Variants in TMEM108 observed in about 807,000 individuals in gnomAD.
TMEM108 encodes cancer/testis antigen 124.
In TMEM108, 12 loss-of-function variants were observed where a neutral mutation model predicts 35.1. That is an observed-to-expected ratio of 0.34 (90% CI 0.22 to 0.55). TMEM108 has a LOEUF of 0.55. Ranked by LOEUF, TMEM108 falls within the 20% of genes least tolerant of loss-of-function variation. TMEM108 has a pLI of 0.89. For missense variants in TMEM108, 680 were observed against 753.3 expected, an observed-to-expected ratio of 0.90 and a Z score of 1.14; for synonymous variants, 287 against 308.6, an observed-to-expected ratio of 0.93 and a Z score of 0.73.
chr3:133,390,573 C>T (rs2073219837), intron 5 of TMEM108, among the ~76,000 whole-genome samples: 1 of 152,002 alleles, frequency 6.6e-6, no homozygotes, highest in Admixed American at 6.6e-5. Context: ...GTTCCTGGGA[C>T]TTTTGGTTTC....
At chr3:133,223,281 G>C (rs373685062) in intron 2 of TMEM108, among the ~76,000 whole-genome samples, 4 of 152,158 alleles carry the variant, frequency 2.6e-5, no homozygotes, top group Non-Finnish European at 2.9e-5. Flanking sequence ...TGAGCAGGTC[G>C]TCTGATGTTG....
chr3:133,084,551 G>A (rs1013155619), intron 2 of TMEM108, among the ~76,000 whole-genome samples: 8 of 152,172 alleles, frequency 5.3e-5, no homozygotes, highest in South Asian at 2.1e-4. Flanking sequence ...AGGTACCAGC[G>A]CTGCTCCTTG....
At chr3:133,344,768 A>T (rs1035899332) in intron 3 of TMEM108, among the ~76,000 whole-genome samples, 5 of 151,814 alleles carry the variant, frequency 3.3e-5, no homozygotes, top group Non-Finnish European at 5.9e-5. Context: ...TATATTACAG[A>T]TGAGGAAACT....
intron 3 of TMEM108, among the ~76,000 whole-genome samples, chr3:133,300,349 T>C (rs1323757452): frequency 6.6e-6 from 1 of 152,122 alleles, no homozygotes; most frequent in Non-Finnish European, 1.5e-5. Context: ...AGAGGGGAAT[T>C]GAGGATGTGT....
intron 2 of TMEM108, among the ~76,000 whole-genome samples, chr3:133,119,912 A>G (rs552552013): frequency 1.3e-5 from 2 of 152,112 alleles, no homozygotes; most frequent in Non-Finnish European, 2.9e-5. Context: ...AAGATTTTCT[A>G]TTTTCCTTTA....
chr3:133,038,605 T>G (rs925740314), intron 1 of TMEM108, among the ~76,000 whole-genome samples, 170 bp downstream of exon 1: 3 of 152,098 alleles, frequency 2.0e-5, no homozygotes, highest in African/African-American at 7.2e-5. Context: ...TCCTATCCTC[T>G]CAGGCACCTT....
intron 2 of TMEM108, among the ~76,000 whole-genome samples, chr3:133,204,688 T>C (rs1945724867): frequency 6.6e-6 from 1 of 152,198 alleles, no homozygotes; most frequent in African/African-American, 2.4e-5. Flanking sequence ...ATTTACATTC[T>C]TTTACATTTG....
intron 3 of TMEM108, among the ~76,000 whole-genome samples, chr3:133,278,189 GA>G (rs2081017913): frequency 2.0e-5 from 3 of 152,218 alleles, no homozygotes. Context: ...CAAGACATGG[GA>G]AGTAAAAGTA....
chr3:133,283,267 C>T (rs182479625), intron 3 of TMEM108, among the ~76,000 whole-genome samples: 2 of 152,020 alleles, frequency 1.3e-5, no homozygotes. Context: ...GATTAATAAC[C>T]CAGCATCCTA....
chr3:133,296,566 A>G (rs1022309458), intron 3 of TMEM108, among the ~76,000 whole-genome samples: 5 of 151,988 alleles, frequency 3.3e-5, no homozygotes, highest in African/African-American at 1.2e-4. Context: ...AATAAAAAGC[A>G]GTAGTCTGAT....
chr3:133,078,558 C>G (rs989954572), intron 2 of TMEM108, among the ~76,000 whole-genome samples: 3 of 152,098 alleles, frequency 2.0e-5, no homozygotes, highest in African/African-American at 7.2e-5. Flanking sequence ...TGAAAGGCCA[C>G]AGAATTATTA....
At chr3:133,040,015 C>T (rs576972465) in intron 1 of TMEM108, among the ~76,000 whole-genome samples, 112 of 152,108 alleles carry the variant, frequency 7.4e-4, no homozygotes, top group Non-Finnish European at 1.2e-3. Context: ...TATCAGCCAC[C>T]GGAAATCAAA....
chr3:133,040,221 T>TTG (rs1367526365), intron 1 of TMEM108, among the ~76,000 whole-genome samples: 1 of 148,256 alleles, frequency 6.7e-6, no homozygotes, highest in Non-Finnish European at 1.5e-5. Context: ...TTTTTTTTTT[T>TTG]GAGACGGAGT....
chr3:133,242,412 G>A lies in TMEM108; in HGVS notation c.40+13061G>A, dbSNP rs1397891308. 4.6e-5 allele frequency among the ~76,000 whole-genome samples: 7 copies of A among 152,214 alleles called. No homozygotes were observed. In the East Asian group the frequency reaches 1.3e-3, roughly 29 times the overall value. ...AGAGATGGAACCATGAGTTTATACA[G>A]TTTTTTGGAGAAGTTTAACCATAAA... On this transcript the variant is annotated intron_variant, in intron 3 of 5. Coordinates refer to ENST00000321871, the MANE Select transcript of TMEM108 (RefSeq NM_023943.4).
At chr3:133,255,835 A>G (rs1946538086) in intron 3 of TMEM108, among the ~76,000 whole-genome samples, 1 of 152,118 alleles carries the variant, frequency 6.6e-6, no homozygotes, top group Non-Finnish European at 1.5e-5. Context: ...CTAAAAATAT[A>G]AAAATTAGAC....
Position 133,380,199 on chromosome 3 carries a change from GCAGGCCCCC to G in TMEM108, c.498_506del (p.Arg167_Pro169del), listed in dbSNP as rs774096839. 7.5e-6 allele frequency: 12 copies of G among 1,610,340 alleles called. No individual in the cohort carries two copies. Among genetic ancestry groups the G allele is most frequent in the East Asian group, 2.2e-5 (1 of 44,648 alleles). Reference sequence around the variant, plus strand: ...ACAGCGCCCCCCCGCACTACCACACGCAGGCCCCCCAGGCCCCCAGGCTCTTCCCGAAAA... The same window carrying G: ...ACAGCGCCCCCCCGCACTACCACACGCAGGCCCCCAGGCTCTTCCCGAAAA... On this transcript the variant is annotated inframe_deletion, in exon 4 of 6. Transcript: ENST00000321871. This position sits in a 1 kb window ranked among gnomAD's most constrained non-coding sequence, Gnocchi z 5.3.
At chr3:133,179,942 A>T (rs899865578) in intron 2 of TMEM108, among the ~76,000 whole-genome samples, 1 of 152,072 alleles carries the variant, frequency 6.6e-6, no homozygotes, top group African/African-American at 2.4e-5. Context: ...TAGCCTCAAT[A>T]TAAGAAGCAG....
intron 2 of TMEM108, among the ~76,000 whole-genome samples, chr3:133,090,566 A>C (rs1943935384): frequency 6.6e-6 from 1 of 152,218 alleles, no homozygotes; most frequent in Non-Finnish European, 1.5e-5. Flanking sequence ...ATATTCATAT[A>C]TTGCCAAGTA....
chr3:133,260,765 T>A (rs1559885321), intron 3 of TMEM108, among the ~76,000 whole-genome samples: 1 of 152,222 alleles, frequency 6.6e-6, no homozygotes. Flanking sequence ...GTGGAAGCAG[T>A]GTTTCCAGTT....
Sources: allele counts gnomAD v4.1 joint callset (sites outside exome capture counted in the v4.1 genomes callset), GRCh38; gene constraint gnomAD v4.1.1; non-coding constraint Gnocchi (gnomAD v3.1); transcripts MANE v1.5; gene names NCBI Gene and HGNC (gene_info 2026-07-23, HGNC 2026-07-21).